Variants in MICAL2 observed in about 807,000 individuals in gnomAD.
MICAL2 encodes microtubule associated monooxygenase, calponin and LIM domain containing 2.
In MICAL2, 77 loss-of-function variants were observed where a neutral mutation model predicts 127.3. The observed-to-expected ratio is 0.60, with a 90% CI of 0.50 to 0.73. MICAL2 has a LOEUF of 0.73. Among genes scored for constraint, MICAL2 ranks in the 30% least tolerant of loss-of-function variants. The pLI is 0.00. For synonymous variants in MICAL2, 570 were observed against 551.1 expected (o/e 1.03, Z -0.48); for missense variants, 1,351 against 1,434.4 (o/e 0.94, Z 0.94).
intron 15 of MICAL2, among the ~76,000 whole-genome samples, chr11:12,234,315 C>T (rs1389342880): frequency 6.9e-6 from 1 of 145,724 alleles, no homozygotes; most frequent in Non-Finnish European, 1.5e-5. Flanking sequence ...AAAAAAAAAA[C>T]AACAGAAAAC....
intron 32 of MICAL2, among the ~76,000 whole-genome samples, chr11:12,343,073 C>T (rs1051975793): frequency 3.3e-5 from 5 of 151,956 alleles, no homozygotes; most frequent in Admixed American, 2.0e-4. Context: ...ATTCCACACC[C>T]GAAGATCCCC....
At chr11:12,278,095 T>C (rs1863739420) in intron 1 of MICAL2, among the ~76,000 whole-genome samples, 1 of 152,016 alleles carries the variant, frequency 6.6e-6, no homozygotes, top group African/African-American at 2.4e-5. Context: ...AGTGGGTGAG[T>C]GGTGTGTGAG....
chr11:12,189,195 C>A (rs754517278), intron 3 of MICAL2, among the ~76,000 whole-genome samples: 6 of 152,178 alleles, frequency 3.9e-5, no homozygotes, highest in Non-Finnish European at 8.8e-5. Context: ...CCTAGTGGGA[C>A]CTCTGCATCT....
intron 32 of MICAL2, among the ~76,000 whole-genome samples, chr11:12,348,488 T>C (rs553777840): frequency 6.6e-6 from 1 of 152,270 alleles, no homozygotes; most frequent in East Asian, 1.9e-4. Context: ...CTAGAACTAG[T>C]CCTCCATAAA....
Position 12,213,326 on chromosome 11 carries a change from A to G in MICAL2, c.763A>G (p.Thr255Ala), listed in dbSNP as rs1023264173. Reference sequence around the variant, plus strand: ...CGCCAACTTCATAAACAGAAACAGCACAGCGGAAGCCAAGGTGGAAGAGAT... The same window carrying G: ...CGCCAACTTCATAAACAGAAACAGCGCAGCGGAAGCCAAGGTGGAAGAGAT... Reference protein sequence around the residue: ...ITANFINRNSTAEAKVEEISG... With the variant: ...ITANFINRNSAAEAKVEEISG... Residue 255 changes from threonine to alanine, a missense_variant, in exon 7 of 28, where the codon ACA becomes GCA. Thr to Ala is a moderately conservative substitution (Grantham distance 58). Coordinates refer to ENST00000683283, the MANE Select transcript of MICAL2 (RefSeq NM_001282663.2). 6.2e-7 allele frequency: 1 copy of G among 1,614,030 alleles called. No individual in the cohort carries two copies. Among genetic ancestry groups the G allele is most frequent in the Non-Finnish European group, 8.5e-7 (1 of 1,179,856 alleles).
At chr11:12,133,184 C>T (rs373818614) in intron 1 of MICAL2, among the ~76,000 whole-genome samples, 50 of 152,304 alleles carry the variant, frequency 3.3e-4, no homozygotes, top group Middle Eastern at 3.4e-3. Context: ...TGGGTTCAAG[C>T]GGTTCTTGTG....
downstream of MICAL2, chr11:12,359,011 CA>C (rs1227951384): frequency 6.5e-6 from 1 of 152,684 alleles, no homozygotes; most frequent in Non-Finnish European, 1.5e-5. Flanking sequence ...TTACATAAAG[CA>C]AATAACTCAT....
chr11:12,230,553 C>G (rs929691327), intron 15 of MICAL2, among the ~76,000 whole-genome samples: 1 of 152,172 alleles, frequency 6.6e-6, no homozygotes, highest in Non-Finnish European at 1.5e-5. Context: ...CTAACTTCCT[C>G]TCTGTCTTCC....
chr11:12,118,241 T>G (rs925139128), intron 1 of MICAL2, among the ~76,000 whole-genome samples: 1 of 152,216 alleles, frequency 6.6e-6, no homozygotes, highest in Non-Finnish European at 1.5e-5. Context: ...TGCATAGGAC[T>G]TACCTTCACA....
chr11:12,135,087 C>T (rs938211170), intron 1 of MICAL2, among the ~76,000 whole-genome samples: 1 of 152,134 alleles, frequency 6.6e-6, no homozygotes, highest in Non-Finnish European at 1.5e-5. Flanking sequence ...CATGTGCACA[C>T]CCCATGTACC....
At chr11:12,344,325 G>A (rs921421721) in intron 32 of MICAL2, among the ~76,000 whole-genome samples, 1 of 151,632 alleles carries the variant, frequency 6.6e-6, no homozygotes, top group South Asian at 2.1e-4. Context: ...AAAAACAAAA[G>A]AAAAGAAATA....
intron 32 of MICAL2, among the ~76,000 whole-genome samples, chr11:12,339,235 A>G (rs1938818354): frequency 6.6e-6 from 1 of 152,126 alleles, no homozygotes; most frequent in African/African-American, 2.4e-5. Flanking sequence ...CTTCCAGTTG[A>G]TCGCGTCAGC....
intron 24 of MICAL2, 105 bp downstream of exon 24, chr11:12,257,076 C>A: frequency 8.2e-7 from 1 of 1,213,634 alleles, no homozygotes; most frequent in Non-Finnish European, 1.1e-6. Context: ...CCAAACATAC[C>A]CAAAAGGAAG....
chr11:12,236,966 C>A (rs61877162), intron 16 of MICAL2, among the ~76,000 whole-genome samples: 1 of 152,144 alleles, frequency 6.6e-6, no homozygotes, highest in African/African-American at 2.4e-5. Flanking sequence ...GCATGAGGGA[C>A]GGTCTGTATA....
At chr11:12,179,863 CTG>C (rs1365204240) in intron 3 of MICAL2, among the ~76,000 whole-genome samples, 1 of 152,254 alleles carries the variant, frequency 6.6e-6, no homozygotes, top group East Asian at 1.9e-4. Context: ...AGTTTCCTGT[CTG>C]TATCAATTCC....
intron 32 of MICAL2, among the ~76,000 whole-genome samples, chr11:12,333,713 G>T (rs141028144): frequency 5.5e-4 from 84 of 152,180 alleles, no homozygotes; most frequent in Middle Eastern, 3.4e-3. Context: ...AAAATTAATT[G>T]CATTTCAATA....
chr11:12,131,999 G>A (rs997152746), intron 1 of MICAL2, among the ~76,000 whole-genome samples: 2 of 152,118 alleles, frequency 1.3e-5, no homozygotes, highest in South Asian at 2.1e-4. Flanking sequence ...TAAGGTAGAC[G>A]TCATTCCACA....
At chr11:12,173,274 G>T (rs57972386) in intron 3 of MICAL2, among the ~76,000 whole-genome samples, 19,925 of 152,196 alleles carry the variant, frequency 0.13, 1,977 homozygotes, top group East Asian at 0.46. Flanking sequence ...TGGGAAATCT[G>T]CAGTGGAAAG....
intron 7 of MICAL2, among the ~76,000 whole-genome samples, chr11:12,215,682 G>A (rs947132753): frequency 2.0e-5 from 3 of 152,214 alleles, no homozygotes; most frequent in African/African-American, 7.2e-5. Flanking sequence ...GTGATTGGTG[G>A]AAAGCACAAA....
Sources: allele counts gnomAD v4.1 joint callset (sites outside exome capture counted in the v4.1 genomes callset), GRCh38; gene constraint gnomAD v4.1.1; transcripts MANE v1.5; gene names NCBI Gene and HGNC (gene_info 2026-07-23, HGNC 2026-07-21).